The following EPHX2 variants were observed in gnomAD, a reference collection of about 807,000 sequenced individuals.
EPHX2 encodes epoxide hydrolase 2, also known as bifunctional epoxide hydrolase 2.
A neutral mutation model predicts 78.7 loss-of-function variants in EPHX2; 74 were observed. That is an observed-to-expected ratio of 0.94 (90% CI 0.78 to 1.14). The LOEUF is 1.14. EPHX2 is among the 50% of genes most tolerant of loss of function. The pLI, the probability that EPHX2 is intolerant of heterozygous loss-of-function variation, is 0.00. For missense variants in EPHX2, 715 were observed against 702.5 expected (o/e 1.02, Z -0.20); for synonymous variants, 251 against 255.2 (o/e 0.98, Z 0.16).
intron 12 of EPHX2, among the ~76,000 whole-genome samples, chr8:27,535,976 CT>C (rs1815198049): frequency 6.6e-6 from 1 of 152,202 alleles, no homozygotes; most frequent in South Asian, 2.1e-4. Context: ...AGCTCAGTGT[CT>C]GTGGAGCTGA....
intron 1 of EPHX2, among the ~76,000 whole-genome samples, chr8:27,498,935 A>G (rs1394428175): frequency 6.6e-6 from 1 of 152,216 alleles, no homozygotes. Context: ...GGTAATTTAT[A>G]AAGAAAAGGA....
intron 12 of EPHX2, among the ~76,000 whole-genome samples, chr8:27,527,212 C>T (rs1011000220): frequency 7.9e-5 from 12 of 152,098 alleles, no homozygotes; most frequent in Non-Finnish European, 1.5e-5. Context: ...CCGCCTCGGC[C>T]TCCCAAAGTG....
Position 27,511,820 on chromosome 8 carries a change from C to T in EPHX2, c.661-16C>T. ...GGCTGCTGCTGTCTCTCTCACTATA[C>T]CTTTCCTGCTTACAGCTTCTCAATA... On this transcript the variant is annotated splice_polypyrimidine_tract_variant and intron_variant, in intron 5 of 18. Transcript: ENST00000521400. 1 of 1,613,782 alleles carries T rather than the reference C, an allele frequency of 6.2e-7. No individual in the cohort carries two copies. The highest frequency in any genetic ancestry group is 8.5e-7 in the Non-Finnish European group (1 of 1,179,706).
At chr8:27,514,398 A>G (rs1426034998) in intron 6 of EPHX2, among the ~76,000 whole-genome samples, 6 of 152,210 alleles carry the variant, frequency 3.9e-5, no homozygotes, top group South Asian at 2.1e-4. Flanking sequence ...GTGAATTTCT[A>G]TAATGTGACT....
At chr8:27,513,322 C>T (rs374916378) in intron 6 of EPHX2, among the ~76,000 whole-genome samples, 28 of 152,262 alleles carry the variant, frequency 1.8e-4, no homozygotes, top group African/African-American at 6.7e-4. Context: ...TAATCAGGGC[C>T]TTCTGGTCTC....
At chr8:27,495,055 A>G (rs1307170179) in intron 1 of EPHX2, among the ~76,000 whole-genome samples, 4 of 151,806 alleles carry the variant, frequency 2.6e-5, no homozygotes, top group Non-Finnish European at 4.4e-5. Flanking sequence ...TTTCTCCTTC[A>G]CCTTTTGATG....
intron 2 of EPHX2, among the ~76,000 whole-genome samples, chr8:27,501,324 TTTCTTCTTCTTCTTCTTCTTCTTCTTC>T (rs796293855): frequency 4.9e-4 from 50 of 103,012 alleles, no homozygotes; most frequent in East Asian, 6.2e-4. Context: ...TGCTATATAT[TTTCTTCTTCTTCTTCTTCTTCTTCTTC>T]TTCTTCTTCT....
intron 2 of EPHX2, among the ~76,000 whole-genome samples, chr8:27,503,122 C>T (rs936293228): frequency 6.6e-6 from 1 of 152,110 alleles, no homozygotes; most frequent in South Asian, 2.1e-4. Flanking sequence ...GCTATCGAGC[C>T]CCTTCTACCA....
At chr8:27,516,900 G>A (rs553470511) in intron 8 of EPHX2, among the ~76,000 whole-genome samples, 3 of 150,878 alleles carry the variant, frequency 2.0e-5, no homozygotes, top group Admixed American at 6.6e-5. Flanking sequence ...GTTATAGACG[G>A]CACCACAATT....
chr8:27,516,439 C>T (rs749759541), intron 8 of EPHX2, 41 bp downstream of exon 8: 19 of 1,588,426 alleles, frequency 1.2e-5, no homozygotes, highest in Non-Finnish European at 1.6e-5. Context: ...CTGGTCTTGC[C>T]TTCTACCTGC....
chr8:27,504,597 C>T (rs1268536967), intron 3 of EPHX2, among the ~76,000 whole-genome samples: 1 of 152,168 alleles, frequency 6.6e-6, no homozygotes, highest in African/African-American at 2.4e-5. Flanking sequence ...AGCTTGTTTG[C>T]TGATCTGTGA....
intron 11 of EPHX2, among the ~76,000 whole-genome samples, chr8:27,523,960 T>C (rs1387467917): frequency 1.3e-5 from 2 of 148,494 alleles, no homozygotes; most frequent in Non-Finnish European, 3.0e-5. Context: ...TGAGACAGAG[T>C]CTCACTCCAT....
chr8:27,531,175 G>A (rs892826280), intron 12 of EPHX2, among the ~76,000 whole-genome samples: 4 of 152,198 alleles, frequency 2.6e-5, no homozygotes, highest in African/African-American at 4.8e-5. Flanking sequence ...AATATGGAGG[G>A]GTTTGGAGTC....
chr8:27,501,342 C>CTTA (rs1171351602), intron 2 of EPHX2, among the ~76,000 whole-genome samples: 1 of 112,460 alleles, frequency 8.9e-6, no homozygotes, highest in Admixed American at 8.8e-5. Context: ...TCTTCTTCTT[C>CTTA]TTCTTCTTCT....
intron 7 of EPHX2, among the ~76,000 whole-genome samples, chr8:27,516,098 A>G (rs1814441419): frequency 6.6e-6 from 1 of 152,192 alleles, no homozygotes; most frequent in Admixed American, 6.5e-5. Flanking sequence ...TTTGCCAGGG[A>G]AGATGCTGTC....
In EPHX2 at chr8:27,525,489, A is replaced by G; in HGVS notation, c.1170+16A>G. ...CCAAGAACCAGTAAGTATGGCACCA[A>G]GGGCAACAATGGGAGCATTAGTGTT... On this transcript the variant is annotated intron_variant, in intron 12 of 18. Transcript: ENST00000521400. The G allele has an allele frequency of 1.3e-6, 2 of 1,596,458 alleles. No homozygotes were observed. Among genetic ancestry groups the G allele is most frequent in the East Asian group, 2.2e-5 (1 of 44,778 alleles).
intron 6 of EPHX2, 57 bp from the exon 7 acceptor site, chr8:27,515,661 C>A (rs999125302): frequency 6.9e-7 from 1 of 1,449,980 alleles, no homozygotes; most frequent in Non-Finnish European, 9.6e-7. Flanking sequence ...CGCTGTGGGG[C>A]CTGGGTCCAC....
chr8:27,505,468 A>G (rs1298329745), intron 4 of EPHX2, among the ~76,000 whole-genome samples: 2 of 152,170 alleles, frequency 1.3e-5, no homozygotes, highest in African/African-American at 4.8e-5. Flanking sequence ...AGGCCACAAG[A>G]CTAGTAGTCA....
chr8:27,534,600 C>T (rs762425229), intron 12 of EPHX2, among the ~76,000 whole-genome samples: 26 of 152,186 alleles, frequency 1.7e-4, no homozygotes, highest in Non-Finnish European at 2.5e-4. Context: ...GCTGAGATTG[C>T]GCTACTGCAC....
Sources: allele counts gnomAD v4.1 joint callset (sites outside exome capture counted in the v4.1 genomes callset), GRCh38; gene constraint gnomAD v4.1.1; transcripts MANE v1.5; gene names NCBI Gene and HGNC (gene_info 2026-07-23, HGNC 2026-07-21).